The following AGFG1 variants were observed in gnomAD, a reference collection of about 807,000 sequenced individuals.
AGFG1 encodes ArfGAP with FG repeats 1.
In AGFG1, 10 loss-of-function variants were observed where a neutral mutation model predicts 60.6. The ratio of observed to expected loss-of-function variants is 0.16; its 90% CI spans 0.10 to 0.28. The LOEUF is 0.28. AGFG1 is among the 10% of genes least tolerant of loss of function. The pLI, the probability that AGFG1 is intolerant of heterozygous loss-of-function variation, is 1.00. For synonymous variants in AGFG1, 247 were observed against 242.9 expected (o/e 1.02, Z -0.16); for missense variants, 537 against 676.5 (o/e 0.79, Z 2.29).
rs543231126 is a variant in AGFG1 at position 227,544,744 on chromosome 2, T to C, written c.1379-7215T>C. ...CTTAGTTTGGCTGGATATGAAATTC[T>C]GGGTTGAAAATTCTTTTTTTTAAGA... On this transcript the variant is annotated intron_variant, in intron 10 of 12. Transcript: ENST00000310078. Among the ~76,000 whole-genome samples the C allele has an allele frequency of 3.9e-5, 6 of 152,332 alleles. No individual in the cohort carries two copies. The South Asian group carries it at 1.2e-3, about 32-fold the overall frequency.
chr2:227,531,265 T>A, intron 6 of AGFG1, 55 bp downstream of exon 6: 3 of 1,568,574 alleles, frequency 1.9e-6, no homozygotes, highest in Non-Finnish European at 2.6e-6. Context: ...CAAAACTCTC[T>A]AAATGTAGTT....
chr2:227,546,985 A>G (rs1357450676), intron 10 of AGFG1, among the ~76,000 whole-genome samples: 1 of 152,242 alleles, frequency 6.6e-6, no homozygotes, highest in African/African-American at 2.4e-5. Flanking sequence ...CCAATTTGCT[A>G]AGATTAATGA....
intron 5 of AGFG1, among the ~76,000 whole-genome samples, chr2:227,528,881 G>T (rs1692072513): frequency 6.6e-6 from 1 of 152,174 alleles, no homozygotes; most frequent in South Asian, 2.1e-4. Context: ...TAAAGGAAAA[G>T]AATCTTATAT....
chr2:227,542,314 T>A (rs566337755), intron 10 of AGFG1, among the ~76,000 whole-genome samples: 23 of 152,316 alleles, frequency 1.5e-4, no homozygotes, highest in Admixed American at 1.4e-3. Flanking sequence ...AAATAGCTCT[T>A]ATTATTTTGA....
chr2:227,491,142 A>G (rs1690804229), intron 1 of AGFG1, among the ~76,000 whole-genome samples: 1 of 152,184 alleles, frequency 6.6e-6, no homozygotes, highest in Non-Finnish European at 1.5e-5. Context: ...GGATATTTGT[A>G]TAGCTCTGGT....
At chr2:227,516,446 A>G (rs1447422054) in intron 2 of AGFG1, among the ~76,000 whole-genome samples, 1 of 152,218 alleles carries the variant, frequency 6.6e-6, no homozygotes, top group Non-Finnish European at 1.5e-5. Context: ...CTGTGGGGCA[A>G]TATAATAGGA....
chr2:227,517,067 G>C (rs1276637776), intron 2 of AGFG1, among the ~76,000 whole-genome samples: 1 of 152,166 alleles, frequency 6.6e-6, no homozygotes, highest in Non-Finnish European at 1.5e-5. Flanking sequence ...TGGACAAGCT[G>C]GGTCTCTTAA....
chr2:227,507,059 A>G (rs71431051), intron 2 of AGFG1, among the ~76,000 whole-genome samples: 10,960 of 152,212 alleles, frequency 0.072, 528 homozygotes, highest in Admixed American at 0.11. Flanking sequence ...CTCAGTGCCT[A>G]CATCCACTAA....
intron 1 of AGFG1, among the ~76,000 whole-genome samples, chr2:227,486,728 G>A (rs1370932995): frequency 6.6e-6 from 1 of 152,186 alleles, no homozygotes; most frequent in Non-Finnish European, 1.5e-5. Context: ...TCTTAGTAGA[G>A]AGCCAAAGAA....
chr2:227,505,782 A>G (rs55740467), intron 2 of AGFG1, among the ~76,000 whole-genome samples: 1,901 of 152,180 alleles, frequency 0.012, 37 homozygotes, highest in African/African-American at 0.043. Flanking sequence ...TCTGTCGTCC[A>G]GGCTGGAGTG....
intron 10 of AGFG1, among the ~76,000 whole-genome samples, chr2:227,544,970 T>G (rs528434089): frequency 6.6e-6 from 1 of 152,180 alleles, no homozygotes; most frequent in Non-Finnish European, 1.5e-5. Context: ...ATCTTTGTGG[T>G]GTTCTCTGTA....
chr2:227,501,482 G>A (rs1200309261), intron 2 of AGFG1, among the ~76,000 whole-genome samples: 1 of 152,220 alleles, frequency 6.6e-6, no homozygotes. Context: ...TTTTGGATGA[G>A]TTTTGATCAT....
rs372579024 is a variant in AGFG1, at chr2:227,534,606, A to AT, written c.1025-232dup. The stretch of plus-strand genomic sequence containing the variant: ...TCTTTCTTATGCATAATCCAGACAA[A>AT]TTTTTTTGGTACAGAGTGTTAATTT... On this transcript the variant is annotated intron_variant, in intron 7 of 12. Transcript: ENST00000310078. Among the ~76,000 whole-genome samples the AT allele has an allele frequency of 3.4e-3, 521 of 152,182 alleles. 3 individuals carry two copies. Among genetic ancestry groups the AT allele is most frequent in the African/African-American group, 0.012 (491 of 41,524 alleles).
chr2:227,524,077 G>A (rs1691906300), intron 4 of AGFG1, 152 bp downstream of exon 4: 1 of 840,826 alleles, frequency 1.2e-6, no homozygotes, highest in Non-Finnish European at 1.8e-6. Context: ...TGTTGGTTAA[G>A]TGGTTGAAAT....
intron 10 of AGFG1, among the ~76,000 whole-genome samples, chr2:227,544,217 C>T (rs1394717680): frequency 3.1e-4 from 41 of 133,186 alleles, no homozygotes; most frequent in African/African-American, 9.8e-4. Context: ...TGCAGTGGCG[C>T]GATCTTGGCT....
At chr2:227,490,248 G>A (rs1487247080) in intron 1 of AGFG1, among the ~76,000 whole-genome samples, 1 of 152,088 alleles carries the variant, frequency 6.6e-6, no homozygotes, top group African/African-American at 2.4e-5. Context: ...TAATTAGTGT[G>A]AATGATTACA....
chr2:227,559,834 T>C lies in AGFG1; in HGVS notation c.*5339T>C, dbSNP rs1487260537. On this transcript the variant is annotated 3_prime_UTR_variant, in exon 13 of 13. Transcript: ENST00000310078. Reference sequence around the variant, plus strand: ...AAGGCAGCAAGGGATTGTAAACTAATCTTACATAGTCAATGTTTCATAGAA... The same window carrying C: ...AAGGCAGCAAGGGATTGTAAACTAACCTTACATAGTCAATGTTTCATAGAA... The C allele has an allele frequency of 6.6e-6, 1 of 152,148 alleles. No individual in the cohort carries two copies. The allele number at this position is 152,148 out of a possible 1,614,324, so 9.4% of individuals were successfully genotyped here.
intron 2 of AGFG1, among the ~76,000 whole-genome samples, chr2:227,496,437 G>A (rs1309453359): frequency 4.0e-5 from 3 of 75,392 alleles, no homozygotes; most frequent in African/African-American, 1.3e-4. Context: ...GCGAGACTCC[G>A]TCTCAAAAAA....
intron 6 of AGFG1, among the ~76,000 whole-genome samples, 154 bp from the exon 7 acceptor site, chr2:227,533,395 G>A (rs1356426650): frequency 6.6e-6 from 1 of 152,106 alleles, no homozygotes; most frequent in Non-Finnish European, 1.5e-5. Context: ...ATTGGAAAAC[G>A]TCACTTGTAG....
Sources: gnomAD v4.1 joint callset for allele counts (sites outside exome capture counted in the v4.1 genomes callset) on GRCh38, gnomAD v4.1.1 for gene constraint, MANE v1.5 for transcripts, NCBI Gene and HGNC (gene_info 2026-07-23, HGNC 2026-07-21) for gene names.